Variants in DNAAF9 observed in about 807,000 individuals in gnomAD.
The protein encoded by DNAAF9 is dynein axonemal assembly factor 9.
Under a neutral mutation model 167.0 loss-of-function variants are expected in DNAAF9, and 90 were observed. The ratio of observed to expected loss-of-function variants is 0.54; its 90% confidence interval spans 0.45 to 0.64. The LOEUF (loss-of-function observed/expected upper bound fraction) is 0.64. Among genes scored for constraint, DNAAF9 ranks in the 30% least tolerant of loss-of-function variants. The probability of loss-of-function intolerance (pLI) is 0.00; values close to 1 mark genes in which losing one functional copy is unlikely to be tolerated. For synonymous variants in DNAAF9, 491 were observed against 508.8 expected, an observed-to-expected ratio of 0.96 and a Z score of 0.47; for missense variants, 1,315 against 1,442.2, an observed-to-expected ratio of 0.91 and a Z score of 1.43.
intron 30 of DNAAF9, among the ~76,000 whole-genome samples, chr20:3,267,289 C>T (rs2122785500): frequency 6.6e-6 from 1 of 152,280 alleles, no homozygotes; most frequent in Non-Finnish European, 1.5e-5. Context: ...TAAGCTACTT[C>T]CCATATCCTT....
chr20:3,369,127 C>T, intron 6 of DNAAF9, among the ~76,000 whole-genome samples: 1 of 114,150 alleles, frequency 8.8e-6, no homozygotes. Context: ...AAAACTCTGT[C>T]TCAAAAAAAA....
chr20:3,336,954 A>G (rs2123100207), intron 10 of DNAAF9, among the ~76,000 whole-genome samples: 1 of 140,422 alleles, frequency 7.1e-6, no homozygotes, highest in South Asian at 2.2e-4. Flanking sequence ...ATCTCGGCTC[A>G]CTGCAAGCTC....
Position 3,278,714 on chromosome 20 carries a change from G to A in DNAAF9, c.2650+198C>T, listed in dbSNP as rs142952426. 1.9e-3 allele frequency among the ~76,000 whole-genome samples: 286 copies of A among 151,900 alleles called. 3 individuals carry two copies. The highest frequency in any genetic ancestry group is 2.8e-3 in the Non-Finnish European group (188 of 67,948). On this transcript the variant is annotated intron_variant, in intron 29 of 36. Transcript: ENST00000252032. ...AATCTGGGCGACAGAGTAAGACTCC[G>A]TCTCAAAAAAAAGAGACAAGCTCTT...
Position 3,264,520 on chromosome 20 carries a change from C to T in DNAAF9, c.2791G>A (p.Glu931Lys). The T allele has an allele frequency of 6.8e-7, 1 of 1,481,200 alleles. No homozygotes were observed. Among genetic ancestry groups the T allele is most frequent in the Non-Finnish European group, 9.4e-7 (1 of 1,059,684 alleles). 91.8% of individuals were successfully genotyped at this position (1,481,200 alleles called of 1,614,324 possible). A position where few individuals can be genotyped will look rare whatever the true frequency, so the allele number is the denominator to read the frequency against. Residue 931 changes from glutamate to lysine, a missense_variant, in exon 31 of 37, where the codon GAA becomes AAA. Glu to Lys is a moderately conservative substitution (Grantham distance 56, BLOSUM62 1). Coordinates refer to ENST00000252032, the MANE Select transcript of DNAAF9 (RefSeq NM_001009984.3). Reference sequence around the variant, plus strand: ...TCTGAGAGAATCAGCTCAATGTCTTCATTCCTTTGAAAACACACAGAAAAG... The same window carrying T: ...TCTGAGAGAATCAGCTCAATGTCTTTATTCCTTTGAAAACACACAGAAAAG... ...LAENGIVTRNEDIELILSENS... is the reference protein window; with the variant it reads ...LAENGIVTRNKDIELILSENS...
intron 3 of DNAAF9, among the ~76,000 whole-genome samples, chr20:3,378,679 C>T (rs901045653): frequency 7.9e-5 from 12 of 152,262 alleles, no homozygotes; most frequent in African/African-American, 2.4e-4. Flanking sequence ...GAAAGGCACA[C>T]GCATAGGGGC....
chr20:3,269,957 C>CAA (rs535165977), intron 30 of DNAAF9, among the ~76,000 whole-genome samples: 1 of 92,146 alleles, frequency 1.1e-5, no homozygotes, highest in Admixed American at 1.2e-4. Context: ...GACTCCGTCT[C>CAA]AAAAAAAAAA....
At chr20:3,271,880 A>T (rs1464625168) in intron 29 of DNAAF9, among the ~76,000 whole-genome samples, 1 of 152,082 alleles carries the variant, frequency 6.6e-6, no homozygotes, top group African/African-American at 2.4e-5. Context: ...CGGCCTCCCA[A>T]AGTGCTGGGA....
intron 3 of DNAAF9, 48 bp from the exon 4 acceptor site, chr20:3,376,350 TTTAGA>T: frequency 6.7e-7 from 1 of 1,488,178 alleles, no homozygotes. Context: ...ACACATTTCT[TTTAGA>T]TATTTTCTGC....
At chr20:3,308,114 C>G (rs886959056) in intron 20 of DNAAF9, among the ~76,000 whole-genome samples, 4 of 152,192 alleles carry the variant, frequency 2.6e-5, no homozygotes, top group African/African-American at 9.6e-5. Flanking sequence ...CTCTTCCACC[C>G]AGGGGGAACA....
chr20:3,283,885 G>A (rs1015136905), intron 27 of DNAAF9, among the ~76,000 whole-genome samples: 1 of 152,156 alleles, frequency 6.6e-6, no homozygotes, highest in Non-Finnish European at 1.5e-5. Flanking sequence ...ATTTCCCTTA[G>A]AGAGAGTGCC....
chr20:3,277,420 A>C (rs144204554), intron 29 of DNAAF9, among the ~76,000 whole-genome samples: 1 of 152,064 alleles, frequency 6.6e-6, no homozygotes, highest in Non-Finnish European at 1.5e-5. Flanking sequence ...CTATATCTGG[A>C]TACTGGCTGA....
Position 3,317,619 on chromosome 20 carries a change from C to CAA in DNAAF9, c.1468+669_1468+670insTT, listed in dbSNP as rs552658472. On this transcript the variant is annotated intron_variant, in intron 17 of 36. Transcript: ENST00000252032. ...TGTTTCAAATTGCTTTTTTTTGAGA[C>CAA]AGAGTCTCACTCTGTCACCCAGGCT... is the stretch of plus-strand genomic sequence containing the variant. Among the ~76,000 whole-genome samples the CAA allele has an allele frequency of 6.6e-3, 996 of 151,808 alleles. 9 individuals are homozygous for CAA. The highest frequency in any genetic ancestry group is 0.023 in the African/African-American group (953 of 41,400).
chr20:3,381,440 A>G lies in DNAAF9; in HGVS notation c.222T>C (p.Gly74=), dbSNP rs202021422. The change falls in exon 3 of 37, where the codon GGT becomes GGC. Residue 74 remains glycine (G), a synonymous_variant. Transcript: ENST00000252032. Reference sequence around the variant, plus strand: ...AATCACTGGTATTCTGATTGTACAAACCAAATAGAAGATAATTTGCCAGCT... The same window carrying G: ...AATCACTGGTATTCTGATTGTACAAGCCAAATAGAAGATAATTTGCCAGCT... The part of the protein sequence containing the change: ...CRELANYLLF[G]LYNQNTSDFE... 1 of 1,613,256 alleles carries G rather than the reference A, an allele frequency of 6.2e-7. No homozygotes were observed. Among genetic ancestry groups the G allele is most frequent in the Admixed American group, 1.7e-5 (1 of 60,008 alleles).
At chr20:3,391,166 TCTTA>T (rs1260381506) in intron 1 of DNAAF9, among the ~76,000 whole-genome samples, 1 of 152,242 alleles carries the variant, frequency 6.6e-6, no homozygotes, top group Non-Finnish European at 1.5e-5. Context: ...AATTAGTGTT[TCTTA>T]TTTTATTATC....
At chr20:3,399,566 C>T (rs1298534581) in intron 1 of DNAAF9, among the ~76,000 whole-genome samples, 1 of 152,074 alleles carries the variant, frequency 6.6e-6, no homozygotes, top group African/African-American at 2.4e-5. Flanking sequence ...AGGTCCAGGT[C>T]CTTTGCCTCC....
rs1347146217 is a variant in DNAAF9 at position 3,375,014 on chromosome 20, G to A, written c.505+16C>T. On this transcript the variant is annotated intron_variant, in intron 5 of 36. Transcript: ENST00000252032. ...ACCTAAGCAAGGTTCTAGAAGGCTT[G>A]CTGTCAGATACTCACCTTGGGAGCT... The A allele has an allele frequency of 1.4e-6, 2 of 1,406,916 alleles. No individual in the cohort carries two copies. Among genetic ancestry groups the A allele is most frequent in the East Asian group, 2.3e-5 (1 of 43,920 alleles). 87.2% of individuals were successfully genotyped at this position (1,406,916 alleles called of 1,614,324 possible).
At chr20:3,272,845 G>A (rs561161577) in intron 29 of DNAAF9, among the ~76,000 whole-genome samples, 1 of 152,070 alleles carries the variant, frequency 6.6e-6, no homozygotes, top group Non-Finnish European at 1.5e-5. Context: ...TTCTTGAGAT[G>A]GAGTTTCGCT....
chr20:3,365,271 G>A lies in DNAAF9; in HGVS notation c.613-5678C>T, dbSNP rs1015445029. 3.3e-5 allele frequency among the ~76,000 whole-genome samples: 5 copies of A among 152,236 alleles called. No individual in the cohort carries two copies. In the East Asian group the frequency reaches 9.6e-4, roughly 29 times the overall value. On this transcript the variant is annotated intron_variant, in intron 6 of 36. Transcript: ENST00000252032. ...ATTACAGGCACAATCCACTATGCCA[G>A]CAGCCATTTCTTAAAATAAGACAAC...
At chr20:3,281,836 C>G (rs1406871589) in intron 27 of DNAAF9, 70 bp from the exon 28 acceptor site, 1 of 1,498,218 alleles carries the variant, frequency 6.7e-7, no homozygotes, top group African/African-American at 1.4e-5. Flanking sequence ...AGGGGAATCC[C>G]GAATGGCTGA....
Sources: gnomAD v4.1 joint callset for allele counts (sites outside exome capture counted in the v4.1 genomes callset) on GRCh38, gnomAD v4.1.1 for gene constraint, MANE v1.5 for transcripts, NCBI Gene and HGNC (gene_info 2026-07-23, HGNC 2026-07-21) for gene names.